ZNF224: variants seen among roughly 807,000 people sequenced by gnomAD.
ZNF224 encodes zinc finger protein 224, also known as bone marrow zinc finger 2.
Under a neutral mutation model 10.5 loss-of-function variants are expected in ZNF224, and 8 were observed. The observed-to-expected ratio is 0.76, with a 90% CI of 0.45 to 1.37. The LOEUF (loss-of-function observed/expected upper bound fraction) is 1.37, where lower values mean the gene tolerates loss of function less well. ZNF224 is among the 40% of genes most tolerant of loss of function. The probability of loss-of-function intolerance (pLI) is 0.00; values close to 1 mark genes in which losing one functional copy is unlikely to be tolerated. For missense variants in ZNF224, 754 were observed against 854.0 expected (o/e 0.88, Z 1.46); for synonymous variants, 282 against 287.8 (o/e 0.98, Z 0.20).
rs572188524 is a variant in ZNF224 at position 44,097,843 on chromosome 19, ACT to A, written c.-28_-27del. 2 of 1,613,638 alleles carry A rather than the reference ACT, an allele frequency of 1.2e-6. No individual in the cohort carries two copies. Among genetic ancestry groups the A allele is most frequent in the Non-Finnish European group, 1.7e-6 (2 of 1,179,796 alleles). On this transcript the variant is annotated 5_prime_UTR_variant, in exon 3 of 6. Transcript: ENST00000693561. ...TTTCCCAGGAACTGCATCACTCAGG[ACT>A]CTGCAAGTTTCCAGAAGTAAGAGGG...
intron 3 of ZNF224, among the ~76,000 whole-genome samples, chr19:44,098,237 CTT>C (rs1236560848): frequency 6.6e-6 from 1 of 152,138 alleles, no homozygotes; most frequent in Non-Finnish European, 1.5e-5. Flanking sequence ...AAATTGCACT[CTT>C]TGTATTTAAT....
At chr19:44,099,730 A>G (rs928645514) in intron 3 of ZNF224, among the ~76,000 whole-genome samples, 20 of 152,132 alleles carry the variant, frequency 1.3e-4, no homozygotes, top group African/African-American at 4.6e-4. Flanking sequence ...TCCTAATCAG[A>G]TTACCAAAGT....
rs1967703989 is a variant in ZNF224, at chr19:44,107,402, A to G, written c.1242A>G (p.Gln414=). 2.5e-6 allele frequency: 4 copies of G among 1,608,988 alleles called. No individual in the cohort carries two copies. Among genetic ancestry groups the G allele is most frequent in the African/African-American group, 1.3e-5 (1 of 74,558 alleles). The change falls in exon 6 of 6, where the codon CAA becomes CAG. Residue 414 remains glutamine, a synonymous_variant. Transcript: ENST00000693561. The part of the protein sequence containing the change: ...ECGKGFYTNS[Q]CYSHQRSHSG... Reference sequence around the variant, plus strand: ...GGAAAGGATTTTACACAAATTCACAATGCTATTCCCACCAGAGATCCCATA... The same window carrying G: ...GGAAAGGATTTTACACAAATTCACAGTGCTATTCCCACCAGAGATCCCATA...
chr19:44,099,689 CAAAAAGAAA>C (rs142142792), intron 3 of ZNF224, among the ~76,000 whole-genome samples: 7,625 of 150,764 alleles, frequency 0.051, 273 homozygotes, highest in Middle Eastern at 0.1. Flanking sequence ...TCTATCTCTA[CAAAAAGAAA>C]AAAAAGAAAA....
rs1967763628 is a variant in ZNF224 at position 44,108,802 on chromosome 19, T to C, written c.*518T>C. 2 of 479,456 alleles carry C rather than the reference T, an allele frequency of 4.2e-6. No individual in the cohort carries two copies. Among genetic ancestry groups the C allele is most frequent in the South Asian group, 1.5e-5 (1 of 66,544 alleles). 29.7% of individuals were successfully genotyped at this position (479,456 alleles called of 1,614,324 possible). On this transcript the variant is annotated 3_prime_UTR_variant, in exon 6 of 6. Transcript: ENST00000693561. The stretch of plus-strand genomic sequence containing the variant: ...GATAAAACATATGTATGGATTTGGA[T>C]ACAATTTTGTGTATCCAAAAAGGGA...
chr19:44,105,727 A>G (rs1375490705), intron 5 of ZNF224: 3 of 152,824 alleles, frequency 2.0e-5, no homozygotes, highest in Admixed American at 6.5e-5. Flanking sequence ...ATGCCTTTGC[A>G]TACCCATAGC....
rs367903032 is a variant in ZNF224 at position 44,107,894 on chromosome 19, T to C, written c.1734T>C (p.Thr578=). Residue 578 remains threonine (T), a synonymous_variant, in exon 6 of 6, where the codon ACT becomes ACC. Coordinates refer to ENST00000693561, the MANE Select transcript of ZNF224 (RefSeq NM_001321645.3). ...GTGAAGAGTGTGGGAAAAGATTTAC[T>C]CAGAATTCACAGCTTCATTCTCATC... ...FKCEECGKRF[T]QNSQLHSHQR... The C allele has an allele frequency of 6.2e-7, 1 of 1,600,956 alleles. No homozygotes were observed. Among genetic ancestry groups the C allele is most frequent in the Non-Finnish European group, 8.5e-7 (1 of 1,172,042 alleles).
chr19:44,106,658 T>C lies in ZNF224; in HGVS notation c.498T>C (p.His166=). The change falls in exon 6 of 6, where the codon CAT becomes CAC. Residue 166 remains histidine (H), a synonymous_variant. Coordinates refer to ENST00000693561, the MANE Select transcript of ZNF224 (RefSeq NM_001321645.3). ...GTGATGTCTCCCACTTTGATTTTCA[T>C]CAACAATTACACTCAGGAGAGAAAT... is the stretch of plus-strand genomic sequence containing the variant. The part of the protein sequence containing the change: ...SFSDVSHFDF[H]QQLHSGEKSH... 1 of 1,593,854 alleles carries C rather than the reference T, an allele frequency of 6.3e-7. No homozygotes were observed. The highest frequency in any genetic ancestry group is 8.6e-7 in the Non-Finnish European group (1 of 1,169,210).
At position 44,094,416 on chromosome 19, in the gene ZNF224, GT is replaced by G. The variant is rs1967395642; in HGVS notation, c.-269del. The G allele has an allele frequency of 6.6e-6, 1 of 152,284 alleles. No homozygotes were observed. Among genetic ancestry groups the G allele is most frequent in the African/African-American group, 2.4e-5 (1 of 41,456 alleles). The allele number at this position is 152,284 out of a possible 1,614,324, so 9.4% of individuals were successfully genotyped here. ...AGGTTGCTGCAGTTTTTCCGCGATA[GT>G]TTGGGGCAGTTCCGCGCGTTGCAGG... is the stretch of plus-strand genomic sequence containing the variant. On this transcript the variant is annotated 5_prime_UTR_variant, in exon 1 of 6. Coordinates refer to ENST00000693561, the MANE Select transcript of ZNF224 (RefSeq NM_001321645.3).
intron 4 of ZNF224, 29 bp from the exon 5 acceptor site, chr19:44,101,103 GA>G: frequency 6.2e-7 from 1 of 1,612,992 alleles, no homozygotes; most frequent in Non-Finnish European, 8.5e-7. Flanking sequence ...AATGTGTTGG[GA>G]TTAAGCATGT....
rs1967400063 is a variant in ZNF224, at chr19:44,094,543, A to G, written c.-158+13A>G. On this transcript the variant is annotated intron_variant, in intron 1 of 5. Coordinates refer to ENST00000693561, the MANE Select transcript of ZNF224 (RefSeq NM_001321645.3). ...TCGGAGAGTAGAGGTTTGGAGGGGCAAGGGCCGCTGTTTGCGTTCTCGTCC... is the reference window on the plus strand; with the variant it reads ...TCGGAGAGTAGAGGTTTGGAGGGGCGAGGGCCGCTGTTTGCGTTCTCGTCC... 1 of 152,618 alleles carries G rather than the reference A, an allele frequency of 6.6e-6. No individual in the cohort carries two copies. The highest frequency in any genetic ancestry group is 1.5e-5 in the Non-Finnish European group (1 of 68,456). 9.5% of individuals were successfully genotyped at this position (152,618 alleles called of 1,614,324 possible).
Position 44,106,976 on chromosome 19 carries a change from T to G in ZNF224, c.816T>G (p.Asp272Glu), listed in dbSNP as rs763945305. ...CEECGKAFIH[D>E]SQLQEHQRIH... Reference sequence around the variant, plus strand: ...AATGCGGGAAGGCCTTCATTCACGATTCCCAGCTTCAAGAACATCAGAGAA... The same window carrying G: ...AATGCGGGAAGGCCTTCATTCACGAGTCCCAGCTTCAAGAACATCAGAGAA... The change falls in exon 6 of 6, where the codon GAT (aspartate) becomes GAG (glutamate). Residue 272 changes from aspartate (D) to glutamate (E), a missense_variant. Asp to Glu is a conservative substitution (Grantham distance 45, BLOSUM62 2). Transcript: ENST00000693561. 1.5e-5 allele frequency: 24 copies of G among 1,610,182 alleles called. No individual in the cohort carries two copies. The highest frequency in any genetic ancestry group is 1.9e-5 in the Non-Finnish European group (22 of 1,177,930).
intron 3 of ZNF224, among the ~76,000 whole-genome samples, 164 bp downstream of exon 3, chr19:44,098,052 T>C (rs940707314): frequency 3.3e-5 from 5 of 152,212 alleles, no homozygotes; most frequent in Admixed American, 1.3e-4. Flanking sequence ...TTTGCATTTG[T>C]TTTTACTACT....
At chr19:44,106,326 T>C in intron 5 of ZNF224, 70 bp from the exon 6 acceptor site, 1 of 1,515,320 alleles carries the variant, frequency 6.6e-7, no homozygotes, top group African/African-American at 1.4e-5. Context: ...TGCCATGGCC[T>C]AAGTGAAATC....
Position 44,107,149 on chromosome 19 carries a change from C to T in ZNF224, c.989C>T (p.Ala330Val). Reference sequence around the variant, plus strand: ...GATAAGAGCTTTCGTCAGAGATCAGCACTTAATAGTCATCGCATGATCCAC... The same window carrying T: ...GATAAGAGCTTTCGTCAGAGATCAGTACTTAATAGTCATCGCATGATCCAC... Reference protein sequence around the residue: ...TCDKSFRQRSALNSHRMIHTG... With the variant: ...TCDKSFRQRSVLNSHRMIHTG... The change falls in exon 6 of 6, where the codon GCA becomes GTA. Residue 330 changes from alanine (A) to valine (V), a missense_variant. By Grantham distance (64) the Ala-to-Val change is moderately conservative. Transcript: ENST00000693561. The T allele has an allele frequency of 6.2e-7, 1 of 1,606,770 alleles. No individual in the cohort carries two copies.
At position 44,108,597 on chromosome 19, in the gene ZNF224, C is replaced by A. The variant is rs1282175046; in HGVS notation, c.*313C>A. On this transcript the variant is annotated 3_prime_UTR_variant, in exon 6 of 6. Coordinates refer to ENST00000693561, the MANE Select transcript of ZNF224 (RefSeq NM_001321645.3). ...AAGTTTGATAATTACAGCTATCATTCAGGAGACAGGCCTTAGAAAGAGTAA... is the reference window on the plus strand; with the variant it reads ...AAGTTTGATAATTACAGCTATCATTAAGGAGACAGGCCTTAGAAAGAGTAA... The A allele has an allele frequency of 4.4e-6, 2 of 454,074 alleles. No homozygotes were observed. The highest frequency in any genetic ancestry group is 3.5e-5 in the South Asian group (2 of 57,728). The allele number at this position is 454,074 out of a possible 1,614,324, so 28.1% of individuals were successfully genotyped here.
At chr19:44,100,157 A>G (rs1296185956) in intron 3 of ZNF224, among the ~76,000 whole-genome samples, 1 of 152,208 alleles carries the variant, frequency 6.6e-6, no homozygotes, top group African/African-American at 2.4e-5. Flanking sequence ...TCATGTGACG[A>G]TCATTATATA....
At position 44,107,950 on chromosome 19, in the gene ZNF224, A is replaced by C. The variant is rs758244306; in HGVS notation, c.1790A>C (p.Lys597Thr). Residue 597 changes from lysine to threonine, a missense_variant, in exon 6 of 6, where the codon AAA becomes ACA. Lys to Thr is a moderately conservative substitution (Grantham distance 78). Transcript: ENST00000693561. ...GTGCACACTGGAGAAAAGCCATACA[A>C]ATGTGATGAGTGTGGGAAGGGCTTC... ...QRVHTGEKPY[K>T]CDECGKGFSW... is the part of the protein sequence containing the mutation. 6 of 1,614,248 alleles carry C rather than the reference A, an allele frequency of 3.7e-6. No homozygotes were observed. The highest frequency in any genetic ancestry group is 1.7e-5 in the Admixed American group (1 of 60,032).
At chr19:44,098,073 T>C (rs890453362) in intron 3 of ZNF224, among the ~76,000 whole-genome samples, 185 bp downstream of exon 3, 2 of 152,238 alleles carry the variant, frequency 1.3e-5, no homozygotes, top group African/African-American at 4.8e-5. Context: ...TGTTTTCTTC[T>C]ATCATTTATT....
Sources: gnomAD v4.1 joint callset for allele counts (sites outside exome capture counted in the v4.1 genomes callset) on GRCh38, gnomAD v4.1.1 for gene constraint, MANE v1.5 for transcripts, NCBI Gene and HGNC (gene_info 2026-07-23, HGNC 2026-07-21) for gene names.